ZFPM2: variants seen among roughly 807,000 people sequenced by gnomAD.
ZFPM2 encodes zinc finger protein ZFPM2.
ZFPM2 carries 20 observed loss-of-function variants against 98.6 expected under a neutral mutation model. The ratio of observed to expected loss-of-function variants is 0.20; its 90% CI spans 0.14 to 0.29. The LOEUF (loss-of-function observed/expected upper bound fraction) is 0.29. ZFPM2 is among the 10% of genes least tolerant of loss of function. The pLI is 1.00. For synonymous variants in ZFPM2, 518 were observed against 502.7 expected (o/e 1.03, Z -0.41); for missense variants, 1,310 against 1,388.6 (o/e 0.94, Z 0.90).
intron 6 of ZFPM2, chr8:105,795,999 A>AAAAT (rs1211878317): frequency 5.0e-6 from 1 of 201,082 alleles, no homozygotes; most frequent in Non-Finnish European, 1.0e-5. Context: ...TCTTGATATT[A>AAAAT]AAATAAAATA....
intron 5 of ZFPM2, among the ~76,000 whole-genome samples, chr8:105,704,383 G>C (rs1052353285): frequency 6.6e-6 from 1 of 152,110 alleles, no homozygotes; most frequent in Admixed American, 6.6e-5. Context: ...GGCCTCTTCC[G>C]TGGCTAGAGT....
At chr8:105,731,619 T>G (rs1247405182) in intron 5 of ZFPM2, among the ~76,000 whole-genome samples, 2 of 151,572 alleles carry the variant, frequency 1.3e-5, no homozygotes, top group African/African-American at 2.4e-5. Flanking sequence ...ATGATTACTG[T>G]AAATAGAAAG....
At chr8:105,700,591 ATTGTTTGT>A (rs5893756) in intron 5 of ZFPM2, among the ~76,000 whole-genome samples, 1 of 150,338 alleles carries the variant, frequency 6.7e-6, no homozygotes, top group South Asian at 2.1e-4. Context: ...TGTTTGTTTG[ATTGTTTGT>A]TTGTTTTTTG....
chr8:105,356,852 T>A (rs1812756299), intron 1 of ZFPM2, among the ~76,000 whole-genome samples: 1 of 152,104 alleles, frequency 6.6e-6, no homozygotes, highest in Non-Finnish European at 1.5e-5. Flanking sequence ...TTGCCTGTTT[T>A]CCTCCTCTTA....
At chr8:105,603,291 T>C (rs1816130762) in intron 4 of ZFPM2, among the ~76,000 whole-genome samples, 1 of 152,096 alleles carries the variant, frequency 6.6e-6, no homozygotes, top group African/African-American at 2.4e-5. Context: ...TACTCAAATG[T>C]TTCGTCGCTG....
rs56955237 is a variant in ZFPM2, at chr8:105,514,307, C to CTT, written c.302-47028_302-47027dup. 5.5e-3 allele frequency among the ~76,000 whole-genome samples: 705 copies of CTT among 127,398 alleles called. 16 individuals are homozygous for CTT. The highest frequency in any genetic ancestry group is 0.021 in the African/African-American group (648 of 31,116). The allele number at this position is 127,398 out of a possible 152,430, so 83.6% of individuals were successfully genotyped here. ...CGTGAGCCACCGTTCCTGGTCGTGT[C>CTT]TTTTTTTTTTTTTTTTTTTTTTTTT... On this transcript the variant is annotated intron_variant, in intron 3 of 7. Coordinates refer to ENST00000407775, the MANE Select transcript of ZFPM2 (RefSeq NM_012082.4).
intron 4 of ZFPM2, among the ~76,000 whole-genome samples, chr8:105,583,325 G>C (rs1323235929): frequency 6.6e-6 from 1 of 151,892 alleles, no homozygotes; most frequent in Non-Finnish European, 1.5e-5. Context: ...AAATAACCCT[G>C]AGTATTATAT....
At chr8:105,526,128 T>C (rs892461903) in intron 3 of ZFPM2, among the ~76,000 whole-genome samples, 1 of 152,188 alleles carries the variant, frequency 6.6e-6, no homozygotes, top group Non-Finnish European at 1.5e-5. Flanking sequence ...GACTTTCTTA[T>C]CACAGTTAAC....
intron 2 of ZFPM2, among the ~76,000 whole-genome samples, chr8:105,443,311 TCAAAAAA>T (rs775589503): frequency 4.0e-5 from 3 of 74,330 alleles, no homozygotes; most frequent in Non-Finnish European, 6.9e-5. Flanking sequence ...AGACTCCTTC[TCAAAAAA>T]CAAAAAACAA....
intron 4 of ZFPM2, among the ~76,000 whole-genome samples, chr8:105,563,402 A>G (rs1286162594): frequency 1.3e-5 from 2 of 152,224 alleles, no homozygotes; most frequent in Non-Finnish European, 2.9e-5. Context: ...ACATTCATGT[A>G]TTTATCCATA....
intron 1 of ZFPM2, among the ~76,000 whole-genome samples, chr8:105,369,055 T>C (rs753167487): frequency 3.3e-5 from 5 of 152,182 alleles, no homozygotes; most frequent in African/African-American, 4.8e-5. Flanking sequence ...ATGTCATGAT[T>C]TATGACTAGA....
intron 1 of ZFPM2, among the ~76,000 whole-genome samples, chr8:105,406,636 T>C (rs1811464791): frequency 6.6e-6 from 1 of 151,980 alleles, no homozygotes; most frequent in African/African-American, 2.4e-5. Context: ...AATTGGTGTG[T>C]CCCAATGTGG....
chr8:105,371,008 C>A (rs73298197), intron 1 of ZFPM2, among the ~76,000 whole-genome samples: 12,937 of 152,208 alleles, frequency 0.085, 1,758 homozygotes, highest in African/African-American at 0.29. Context: ...TTGGGTGCTA[C>A]TGACTCTGTG....
At chr8:105,635,272 T>A (rs557651779) in intron 5 of ZFPM2, among the ~76,000 whole-genome samples, 14 of 152,160 alleles carry the variant, frequency 9.2e-5, no homozygotes, top group African/African-American at 3.1e-4. Flanking sequence ...AACAAGCAAA[T>A]AAGCACCCCA....
chr8:105,511,685 A>G (rs1813820652), intron 3 of ZFPM2, among the ~76,000 whole-genome samples: 1 of 152,224 alleles, frequency 6.6e-6, no homozygotes, highest in Non-Finnish European at 1.5e-5. Flanking sequence ...AAATGATCTA[A>G]TACAAGCTAG....
rs1489219741 is a variant in ZFPM2 at position 105,603,409 on chromosome 8, G to A, written c.421-30837G>A. On this transcript the variant is annotated intron_variant, in intron 4 of 7. Transcript: ENST00000407775. ...GGATATTAATGTACAATGAAAAATG[G>A]TTCTGCCTAATTGGCAATGCAAATG... Among the ~76,000 whole-genome samples, 5 of 152,054 alleles carry A rather than the reference G, an allele frequency of 3.3e-5. No homozygotes were observed. In the South Asian group the frequency reaches 6.2e-4, roughly 19 times the overall value.
At chr8:105,607,586 C>T (rs1281865253) in intron 4 of ZFPM2, among the ~76,000 whole-genome samples, 2 of 152,016 alleles carry the variant, frequency 1.3e-5, no homozygotes, top group East Asian at 1.9e-4. Flanking sequence ...GAGTTAAATG[C>T]GTTTGTCTAA....
chr8:105,582,377 C>T (rs751703767), intron 4 of ZFPM2, among the ~76,000 whole-genome samples: 2 of 152,114 alleles, frequency 1.3e-5, no homozygotes, highest in East Asian at 3.9e-4. Context: ...TGTCTGAAGA[C>T]ATTTGGCAAA....
At position 105,346,773 on chromosome 8, in the gene ZFPM2, A is replaced by AG. The variant is rs1187412130; in HGVS notation, c.40+27796dup. On this transcript the variant is annotated intron_variant, in intron 1 of 7. Transcript: ENST00000407775. ...GACAGCCAATATTTGGAATGGGTTA[A>AG]GGGGTTTTTTTTCATAGCTCCATTT... 2.6e-5 allele frequency among the ~76,000 whole-genome samples: 4 copies of AG among 152,302 alleles called. No homozygotes were observed. The East Asian group carries it at 7.7e-4, about 29-fold the overall frequency.
Sources: gnomAD v4.1 joint callset for allele counts (sites outside exome capture counted in the v4.1 genomes callset) on GRCh38, gnomAD v4.1.1 for gene constraint, MANE v1.5 for transcripts, NCBI Gene and HGNC (gene_info 2026-07-23, HGNC 2026-07-21) for gene names.